Variants in SORCS2 observed in about 807,000 individuals in gnomAD.
SORCS2 encodes VPS10 domain-containing receptor SorCS2.
A neutral mutation model predicts 141.6 loss-of-function variants in SORCS2; 100 were observed. The observed-to-expected ratio is 0.71, with a 90% CI of 0.60 to 0.83. SORCS2 has a LOEUF of 0.83. Among genes scored for constraint, SORCS2 ranks in the 40% least tolerant of loss-of-function variants. The probability of loss-of-function intolerance (pLI) is 0.00; values close to 1 mark genes in which losing one functional copy is unlikely to be tolerated. For missense variants in SORCS2, 1,646 were observed against 1,560.2 expected (o/e 1.05, Z -0.93); for synonymous variants, 789 against 676.9 (o/e 1.17, Z -2.57).
intron 10 of SORCS2, among the ~76,000 whole-genome samples, 183 bp from the exon 11 acceptor site, chr4:7,689,302 TC>T (rs937724737): frequency 2.6e-5 from 4 of 152,094 alleles, no homozygotes; most frequent in Non-Finnish European, 5.9e-5. Flanking sequence ...CCCTTGTACT[TC>T]CCACCCTTTC....
intron 3 of SORCS2, among the ~76,000 whole-genome samples, chr4:7,631,317 A>G (rs1229878524): frequency 6.7e-6 from 1 of 149,932 alleles, no homozygotes; most frequent in South Asian, 2.1e-4. Context: ...TCAGGGAGGC[A>G]GGGAGGTGTG....
rs749552518 is a variant in SORCS2, at chr4:7,664,505, A to G, written c.1071+34A>G. 2.0e-6 allele frequency: 3 copies of G among 1,508,944 alleles called. No individual in the cohort carries two copies. In the East Asian group the frequency reaches 7.1e-5, roughly 36 times the overall value. 93.5% of individuals were successfully genotyped at this position (1,508,944 alleles called of 1,614,324 possible). The stretch of plus-strand genomic sequence containing the variant: ...GCTTCTGGGGCTTTTGGAAATTGGC[A>G]ACAGGTGACGTGGCGGATGACCCGT... On this transcript the variant is annotated intron_variant, in intron 7 of 26. Transcript: ENST00000507866. This position sits in a 1 kb window ranked among gnomAD's most constrained non-coding sequence, Gnocchi z 4.7.
chr4:7,599,307 G>C (rs12504577), intron 3 of SORCS2, among the ~76,000 whole-genome samples: 33,407 of 152,152 alleles, frequency 0.22, 4,427 homozygotes, highest in Middle Eastern at 0.3. Context: ...CCTAGAGCAC[G>C]GGTGAGGACT....
rs556690493 is a variant in SORCS2 at position 7,264,824 on chromosome 4, G to A, written c.480+71698G>A. ...GGTGCAGGGGAGATGCACCCTCTCC[G>A]TGCAGCCCTGCTGCTGGCTGGAGCC... On this transcript the variant is annotated intron_variant, in intron 1 of 26. Transcript: ENST00000507866. Among the ~76,000 whole-genome samples the A allele has an allele frequency of 1.2e-4, 19 of 152,178 alleles. No individual in the cohort carries two copies. The East Asian group carries it at 1.5e-3, about 12-fold the overall frequency.
chr4:7,316,158 CATCT>C (rs1318012547), intron 1 of SORCS2, among the ~76,000 whole-genome samples: 1 of 151,622 alleles, frequency 6.6e-6, no homozygotes, highest in Admixed American at 6.6e-5. Flanking sequence ...TTCATCCATC[CATCT>C]ATCCCTCCTA....
chr4:7,407,845 T>G (rs1334112516), intron 2 of SORCS2, among the ~76,000 whole-genome samples: 2 of 152,126 alleles, frequency 1.3e-5, no homozygotes, highest in African/African-American at 4.8e-5. Flanking sequence ...AAATCTATTA[T>G]AGGTTTTTGC....
intron 4 of SORCS2, among the ~76,000 whole-genome samples, chr4:7,639,250 C>G (rs865810856): frequency 5.3e-5 from 8 of 152,218 alleles, no homozygotes; most frequent in Non-Finnish European, 7.3e-5. Flanking sequence ...CAGCGAAGAT[C>G]AAAGTGTCAG....
Position 7,653,596 on chromosome 4 carries a change from C to T in SORCS2, c.814-538C>T, listed in dbSNP as rs1052726127. ...GTTGGCAGCTGCAGAGAATTAAGCC[C>T]CAGATGTGGGGCCCTTCTGAGCTAG... is the stretch of plus-strand genomic sequence containing the variant. On this transcript the variant is annotated intron_variant, in intron 4 of 26. Coordinates refer to ENST00000507866, the MANE Select transcript of SORCS2 (RefSeq NM_020777.3). Among the ~76,000 whole-genome samples the T allele has an allele frequency of 3.9e-5, 6 of 152,292 alleles. No individual in the cohort carries two copies. In the South Asian group the frequency reaches 1.2e-3, roughly 32 times the overall value.
At chr4:7,693,283 T>C (rs1724375952) in intron 11 of SORCS2, among the ~76,000 whole-genome samples, 1 of 152,226 alleles carries the variant, frequency 6.6e-6, no homozygotes, top group Non-Finnish European at 1.5e-5. Context: ...GTGAGATCAA[T>C]GTTTCCTGCT....
chr4:7,561,162 G>A lies in SORCS2; in HGVS notation c.648+29533G>A, dbSNP rs545235082. Among the ~76,000 whole-genome samples the A allele has an allele frequency of 2.0e-5, 3 of 152,268 alleles. No individual in the cohort carries two copies. The East Asian group carries it at 5.8e-4, about 29-fold the overall frequency. On this transcript the variant is annotated intron_variant, in intron 3 of 26. Coordinates refer to ENST00000507866, the MANE Select transcript of SORCS2 (RefSeq NM_020777.3). ...TAGAGTCCTACTCAGTATAGATCTG[G>A]GCCCAAATGGGGGCTTCGTGGCCCT... is the stretch of plus-strand genomic sequence containing the variant.
intron 1 of SORCS2, among the ~76,000 whole-genome samples, chr4:7,196,677 C>G (rs999243366): frequency 2.8e-5 from 4 of 142,068 alleles, no homozygotes; most frequent in Non-Finnish European, 6.1e-5. Flanking sequence ...TCCAAATCTG[C>G]TCTGTGCTGC....
At chr4:7,416,909 GAC>G (rs1725733507) in intron 2 of SORCS2, among the ~76,000 whole-genome samples, 2 of 151,658 alleles carry the variant, frequency 1.3e-5, no homozygotes, top group East Asian at 2.0e-4. Flanking sequence ...CACGTGTGCA[GAC>G]ACACTGACAC....
In SORCS2 at chr4:7,734,358, C is replaced by T; in HGVS notation, c.3295C>T (p.Leu1099Phe). ...GCTCTTCGCAGCGGGAGCCTTCATCCTCTACAAGTTCAAAAGGCAAGGCCC... is the reference window on the plus strand; with the variant it reads ...GCTCTTCGCAGCGGGAGCCTTCATCTTCTACAAGTTCAAAAGGCAAGGCCC... The part of the protein sequence containing the change: ...IGLFAAGAFI[L>F]YKFKRKRPGR... Residue 1099 changes from leucine to phenylalanine, a missense_variant, in exon 25 of 27, where the codon CTC (leucine) becomes TTC (phenylalanine). Leu to Phe is a conservative substitution (Grantham distance 22). Coordinates refer to ENST00000507866, the MANE Select transcript of SORCS2 (RefSeq NM_020777.3). 6.4e-7 allele frequency: 1 copy of T among 1,568,202 alleles called. No individual in the cohort carries two copies. Among genetic ancestry groups the T allele is most frequent in the Non-Finnish European group, 8.6e-7 (1 of 1,156,908 alleles).
intron 1 of SORCS2, among the ~76,000 whole-genome samples, chr4:7,363,337 C>T (rs953766972): frequency 6.6e-6 from 1 of 151,700 alleles, no homozygotes; most frequent in Non-Finnish European, 1.5e-5. Flanking sequence ...ACCATCAATA[C>T]TATCACCACC....
rs986828602 is a variant in SORCS2, at chr4:7,288,606, G to GGA, written c.480+95484_480+95485dup. Among the ~76,000 whole-genome samples the GGA allele has an allele frequency of 4.0e-5, 6 of 150,514 alleles. No individual in the cohort carries two copies. The South Asian group carries it at 1.1e-3, about 27-fold the overall frequency. ...GGAGGAGGAGAAGAGAGAGGAGAGA[G>GGA]GAGAGGGGAGAGAAGAGAGAGAGAG... On this transcript the variant is annotated intron_variant, in intron 1 of 26. Coordinates refer to ENST00000507866, the MANE Select transcript of SORCS2 (RefSeq NM_020777.3).
At chr4:7,334,367 T>G (rs7677462) in intron 1 of SORCS2, among the ~76,000 whole-genome samples, 2 of 151,082 alleles carry the variant, frequency 1.3e-5, no homozygotes, top group Admixed American at 6.6e-5. Context: ...GTCCCCCTGG[T>G]CAGTCCTCTC....
chr4:7,641,263 G>A (rs1340154194), intron 4 of SORCS2, among the ~76,000 whole-genome samples: 1 of 152,192 alleles, frequency 6.6e-6, no homozygotes, highest in East Asian at 1.9e-4. Flanking sequence ...TTCCACATGG[G>A]TGGGGAGGCC....
At chr4:7,497,756 G>A (rs1323259577) in intron 2 of SORCS2, among the ~76,000 whole-genome samples, 5 of 152,256 alleles carry the variant, frequency 3.3e-5, no homozygotes, top group African/African-American at 1.2e-4. Context: ...ACAAGGGTGA[G>A]TGAGTTGCCC....
At chr4:7,500,227 G>A (rs371960464) in intron 2 of SORCS2, among the ~76,000 whole-genome samples, 15 of 152,230 alleles carry the variant, frequency 9.9e-5, no homozygotes, top group East Asian at 5.8e-4. Flanking sequence ...CAGCCTGCCC[G>A]TGGAGCCCCC....
Sources: allele counts gnomAD v4.1 joint callset (sites outside exome capture counted in the v4.1 genomes callset), GRCh38; gene constraint gnomAD v4.1.1; non-coding constraint Gnocchi (gnomAD v3.1); transcripts MANE v1.5; gene names NCBI Gene and HGNC (gene_info 2026-07-23, HGNC 2026-07-21).